ZNF804B: variants seen among roughly 807,000 people sequenced by gnomAD.
The protein encoded by ZNF804B is zinc finger protein 804B.
Under a neutral mutation model 101.4 loss-of-function variants are expected in ZNF804B, and 80 were observed. The ratio of observed to expected loss-of-function variants is 0.79; its 90% CI spans 0.66 to 0.95. ZNF804B has a LOEUF of 0.95. ZNF804B is among the 40% of genes least tolerant of loss of function. ZNF804B has a pLI of 0.00. For missense variants in ZNF804B, 1,673 were observed against 1,561.9 expected, an observed-to-expected ratio of 1.07 and a Z score of -1.20; for synonymous variants, 622 against 558.8, an observed-to-expected ratio of 1.11 and a Z score of -1.59.
At chr7:89,067,462 T>C (rs985615784) in intron 1 of ZNF804B, among the ~76,000 whole-genome samples, 4 of 152,204 alleles carry the variant, frequency 2.6e-5, no homozygotes, top group African/African-American at 7.2e-5. Context: ...TGTGTCTGAT[T>C]GAGTCACTGG....
intron 1 of ZNF804B, among the ~76,000 whole-genome samples, chr7:88,885,808 A>G (rs1358095561): frequency 6.6e-6 from 1 of 151,274 alleles, no homozygotes; most frequent in Admixed American, 6.6e-5. Context: ...ACCTGCTGAA[A>G]CATTATAATG....
intron 2 of ZNF804B, among the ~76,000 whole-genome samples, chr7:89,277,502 C>T (rs1351608479): frequency 3.9e-5 from 3 of 77,178 alleles, no homozygotes; most frequent in Non-Finnish European, 8.0e-5. Context: ...CTCCCCCCTA[C>T]CCCCACCCCA....
chr7:89,073,364 A>G (rs1789570045), intron 1 of ZNF804B, among the ~76,000 whole-genome samples: 1 of 152,190 alleles, frequency 6.6e-6, no homozygotes, highest in African/African-American at 2.4e-5. Context: ...CTGAGTGAAC[A>G]AAAATATGCT....
At chr7:89,019,426 T>C (rs1788626977) in intron 1 of ZNF804B, among the ~76,000 whole-genome samples, 1 of 152,104 alleles carries the variant, frequency 6.6e-6, no homozygotes, top group African/African-American at 2.4e-5. Flanking sequence ...GAATGTTCCA[T>C]ACACTGATGA....
chr7:89,254,475 A>C (rs1268633379), intron 2 of ZNF804B, among the ~76,000 whole-genome samples: 4 of 151,180 alleles, frequency 2.6e-5, no homozygotes, highest in South Asian at 2.1e-4. Flanking sequence ...TAAAAAAAAA[A>C]CCCACAACAC....
chr7:89,110,760 A>T (rs28634905), intron 1 of ZNF804B, among the ~76,000 whole-genome samples: 11,469 of 152,192 alleles, frequency 0.075, 469 homozygotes, highest in Middle Eastern at 0.092. Context: ...GTATTATTCA[A>T]TTTTATGGAA....
intron 2 of ZNF804B, among the ~76,000 whole-genome samples, chr7:89,312,712 A>G (rs955946464): frequency 6.6e-6 from 1 of 152,106 alleles, no homozygotes; most frequent in Non-Finnish European, 1.5e-5. Flanking sequence ...AATGGCATGC[A>G]GCTGGGTGCT....
intron 1 of ZNF804B, among the ~76,000 whole-genome samples, chr7:89,089,734 G>C (rs1789854851): frequency 6.6e-6 from 1 of 151,954 alleles, no homozygotes; most frequent in African/African-American, 2.4e-5. Flanking sequence ...TTTGATACTT[G>C]CCTGAAATGT....
chr7:89,167,415 T>G (rs1339435702), intron 1 of ZNF804B, among the ~76,000 whole-genome samples: 1 of 141,160 alleles, frequency 7.1e-6, no homozygotes, highest in African/African-American at 2.5e-5. Context: ...TGCATTCCAC[T>G]CCGGGCCGAA....
chr7:88,857,655 T>C (rs1350755828), intron 1 of ZNF804B, among the ~76,000 whole-genome samples: 5 of 152,048 alleles, frequency 3.3e-5, no homozygotes, highest in Non-Finnish European at 5.9e-5. Context: ...CAGGACCAGA[T>C]GGATTCACAG....
At chr7:89,268,215 C>A (rs1009874914) in intron 2 of ZNF804B, among the ~76,000 whole-genome samples, 1 of 152,036 alleles carries the variant, frequency 6.6e-6, no homozygotes, top group Non-Finnish European at 1.5e-5. Flanking sequence ...TTCCAACTCC[C>A]TATCAACAGA....
chr7:88,778,148 A>G (rs1790173288), intron 1 of ZNF804B, among the ~76,000 whole-genome samples: 1 of 152,138 alleles, frequency 6.6e-6, no homozygotes, highest in Non-Finnish European at 1.5e-5. Context: ...TATTCTCTCA[A>G]AAGAGAATTC....
intron 1 of ZNF804B, among the ~76,000 whole-genome samples, chr7:89,021,210 A>T (rs1332738362): frequency 6.6e-6 from 1 of 151,948 alleles, no homozygotes; most frequent in Non-Finnish European, 1.5e-5. Flanking sequence ...GTCTTTGTAC[A>T]TTTTCTTCAG....
At chr7:88,891,228 A>T (rs1188738846) in intron 1 of ZNF804B, among the ~76,000 whole-genome samples, 1 of 152,094 alleles carries the variant, frequency 6.6e-6, no homozygotes, top group South Asian at 2.1e-4. Context: ...CACTGATTGT[A>T]GATACATCTA....
chr7:89,283,922 A>C (rs972397199), intron 2 of ZNF804B, among the ~76,000 whole-genome samples: 9 of 152,156 alleles, frequency 5.9e-5, no homozygotes, highest in Admixed American at 2.6e-4. Context: ...TAACTTAGAA[A>C]TATCAAAAAG....
chr7:89,335,333 A>C lies in ZNF804B; in HGVS notation c.2351A>C (p.Asn784Thr), dbSNP rs759528820. The change falls in exon 4 of 4, where the codon AAC becomes ACC. Residue 784 changes from asparagine (N) to threonine (T), a missense_variant. Coordinates refer to ENST00000333190, the MANE Select transcript of ZNF804B (RefSeq NM_181646.5). ...CAGTCTGAACCACAGAAAGAGAGGA[A>C]CTGCAAATTGTGGGAATCATTTAAA... ...QMQSEPQKER[N>T]CKLWESFKNE... 2 of 1,613,756 alleles carry C rather than the reference A, an allele frequency of 1.2e-6. No individual in the cohort carries two copies. The highest frequency in any genetic ancestry group is 1.7e-6 in the Non-Finnish European group (2 of 1,179,932).
At chr7:88,827,716 A>T (rs2115774606) in intron 1 of ZNF804B, among the ~76,000 whole-genome samples, 1 of 152,094 alleles carries the variant, frequency 6.6e-6, no homozygotes, top group East Asian at 1.9e-4. Context: ...TGAAAACCAC[A>T]TAAAGGCGTT....
rs1299812248 is a variant in ZNF804B at position 89,334,582 on chromosome 7, C to A, written c.1600C>A (p.Pro534Thr). Residue 534 changes from proline (P) to threonine (T), a missense_variant, in exon 4 of 4, where the codon CCG becomes ACG. By Grantham distance (38) the Pro-to-Thr change is conservative. Coordinates refer to ENST00000333190, the MANE Select transcript of ZNF804B (RefSeq NM_181646.5). Reference protein sequence around the residue: ...QKLIQEDYQYPKPKTMIANPD... With the variant: ...QKLIQEDYQYTKPKTMIANPD... ...ATTGATCCAAGAAGATTATCAATATCCGAAACCAAAGACGATGATAGCTAA... is the reference window on the plus strand; with the variant it reads ...ATTGATCCAAGAAGATTATCAATATACGAAACCAAAGACGATGATAGCTAA... The A allele has an allele frequency of 1.2e-6, 2 of 1,613,682 alleles. No homozygotes were observed. Among genetic ancestry groups the A allele is most frequent in the African/African-American group, 1.3e-5 (1 of 74,988 alleles).
chr7:89,073,119 A>T (rs150479099), intron 1 of ZNF804B, among the ~76,000 whole-genome samples: 1 of 152,194 alleles, frequency 6.6e-6, no homozygotes, highest in Non-Finnish European at 1.5e-5. Context: ...GAGAATTTTT[A>T]AAAGACTAGT....
Sources: allele counts gnomAD v4.1 joint callset (sites outside exome capture counted in the v4.1 genomes callset), GRCh38; gene constraint gnomAD v4.1.1; transcripts MANE v1.5; gene names NCBI Gene and HGNC (gene_info 2026-07-23, HGNC 2026-07-21).